The following CHST8 variants were observed in gnomAD, a reference collection of about 807,000 sequenced individuals.
The protein encoded by CHST8 is GALNAC-4-ST1.
A neutral mutation model predicts 15.0 loss-of-function variants in CHST8; 10 were observed. That is an observed-to-expected ratio of 0.67 (90% confidence interval 0.41 to 1.13). The LOEUF is 1.13. Among genes scored for constraint, CHST8 ranks in the 50% most tolerant of loss-of-function variants. CHST8 has a pLI of 0.00. For missense variants in CHST8, 634 were observed against 608.2 expected, an observed-to-expected ratio of 1.04 and a Z score of -0.45; for synonymous variants, 259 against 256.6, an observed-to-expected ratio of 1.01 and a Z score of -0.09.
chr19:33,730,228 T>C (rs980776363), intron 3 of CHST8, among the ~76,000 whole-genome samples: 6 of 152,126 alleles, frequency 3.9e-5, no homozygotes, highest in African/African-American at 1.4e-4. Flanking sequence ...GTGGGGACAG[T>C]TTCAAAATGA....
At chr19:33,676,803 G>A (rs977600635) in intron 2 of CHST8, among the ~76,000 whole-genome samples, 3 of 151,932 alleles carry the variant, frequency 2.0e-5, no homozygotes, top group African/African-American at 4.8e-5. Flanking sequence ...CTTGAGCCCA[G>A]GAGTTTGAGG....
At chr19:33,675,261 T>C (rs1410681958) in intron 2 of CHST8, among the ~76,000 whole-genome samples, 1 of 152,170 alleles carries the variant, frequency 6.6e-6, no homozygotes, top group Non-Finnish European at 1.5e-5. Flanking sequence ...GGTCAAGAAG[T>C]TCTATTGGCT....
At chr19:33,641,147 G>A (rs548653445) in intron 1 of CHST8, among the ~76,000 whole-genome samples, 147 of 152,212 alleles carry the variant, frequency 9.7e-4, no homozygotes, top group African/African-American at 3.0e-3. Context: ...TCAGCTCCTC[G>A]CAGGTGGCTG....
intron 3 of CHST8, among the ~76,000 whole-genome samples, chr19:33,732,428 G>A (rs1974012859): frequency 6.6e-6 from 1 of 151,760 alleles, no homozygotes; most frequent in South Asian, 2.1e-4. Flanking sequence ...CGCAAGTGGG[G>A]TCCCCAGGCC....
chr19:33,703,244 A>G (rs544912640), intron 3 of CHST8, among the ~76,000 whole-genome samples: 1 of 152,316 alleles, frequency 6.6e-6, no homozygotes, highest in African/African-American at 2.4e-5. Context: ...GCCTGGAGAC[A>G]TCCAGTGGGT....
At chr19:33,739,384 C>T (rs1974144502) in intron 3 of CHST8, among the ~76,000 whole-genome samples, 1 of 152,198 alleles carries the variant, frequency 6.6e-6, no homozygotes, top group Admixed American at 6.5e-5. Context: ...CTGCCTTCCT[C>T]CCCCTTCATC....
At chr19:33,760,662 A>G (rs1974704400) in intron 3 of CHST8, among the ~76,000 whole-genome samples, 1 of 151,906 alleles carries the variant, frequency 6.6e-6, no homozygotes, top group South Asian at 2.1e-4. Context: ...CCATCTCTTC[A>G]TCCCAGGAGC....
At chr19:33,632,838 G>A (rs905493212) in intron 1 of CHST8, among the ~76,000 whole-genome samples, 9 of 151,682 alleles carry the variant, frequency 5.9e-5, no homozygotes, top group East Asian at 1.9e-4. Flanking sequence ...GTGCAATCTC[G>A]GCTCACTGCA....
chr19:33,624,420 A>T (rs12610498), intron 1 of CHST8, among the ~76,000 whole-genome samples: 65,263 of 152,032 alleles, frequency 0.43, 14,808 homozygotes, highest in Middle Eastern at 0.61. Context: ...AGATGCCTTT[A>T]TAATCTTGTA....
chr19:33,698,091 A>G (rs1437359759), intron 3 of CHST8, among the ~76,000 whole-genome samples: 1 of 152,240 alleles, frequency 6.6e-6, no homozygotes, highest in Admixed American at 6.5e-5. Flanking sequence ...AGCCTGGGCA[A>G]CATGGCAAAA....
intron 2 of CHST8, among the ~76,000 whole-genome samples, chr19:33,672,535 T>G (rs1381072846): frequency 2.0e-5 from 3 of 152,150 alleles, no homozygotes; most frequent in Admixed American, 6.6e-5. Flanking sequence ...GTGTACCATC[T>G]CATGTCAGCG....
rs869057036 is a variant in CHST8 at position 33,650,518 on chromosome 19, C to CTTTTTTTTTTTTTTTTTTTTTT, written c.-163-17241_-163-17220dup. Among the ~76,000 whole-genome samples the CTTTTTTTTTTTTTTTTTTTTTT allele has an allele frequency of 5.3e-3, 193 of 36,124 alleles. 22 individuals are homozygous for CTTTTTTTTTTTTTTTTTTTTTT. The highest frequency in any genetic ancestry group is 7.5e-3 in the Non-Finnish European group (157 of 20,912). 23.7% of individuals were successfully genotyped at this position (36,124 alleles called of 152,430 possible). The stretch of plus-strand genomic sequence containing the variant: ...TTCTTTTTCTTTTTCTTTTTCTTTT[C>CTTTTTTTTTTTTTTTTTTTTTT]TTTTTTTTTTTTTTTTTTTTTTTTT... On this transcript the variant is annotated intron_variant, in intron 1 of 4. Coordinates refer to ENST00000650847, the MANE Select transcript of CHST8 (RefSeq NM_001127895.2).
chr19:33,708,756 CA>C (rs1312693524), intron 3 of CHST8, among the ~76,000 whole-genome samples: 2 of 152,048 alleles, frequency 1.3e-5, no homozygotes, highest in African/African-American at 2.4e-5. Context: ...CAATTTCTGC[CA>C]AAAAGAACAA....
At chr19:33,661,931 G>A (rs1972591852) in intron 1 of CHST8, among the ~76,000 whole-genome samples, 1 of 151,756 alleles carries the variant, frequency 6.6e-6, no homozygotes, top group Admixed American at 6.6e-5. Context: ...AGTTACTCAG[G>A]AGACTGAGGC....
chr19:33,629,384 G>T (rs1026658136), intron 1 of CHST8, among the ~76,000 whole-genome samples: 3 of 152,214 alleles, frequency 2.0e-5, no homozygotes, highest in African/African-American at 7.2e-5. Context: ...CTTGCTCTCA[G>T]CCCTCTCTCC....
chr19:33,767,224 G>C (rs1175074836), intron 3 of CHST8, among the ~76,000 whole-genome samples: 1 of 152,236 alleles, frequency 6.6e-6, no homozygotes, highest in Non-Finnish European at 1.5e-5. Context: ...AGTGCTGCCT[G>C]TCTACAGGGC....
intron 1 of CHST8, among the ~76,000 whole-genome samples, chr19:33,643,027 T>C (rs1972303818): frequency 6.6e-6 from 1 of 152,230 alleles, no homozygotes; most frequent in Admixed American, 6.5e-5. Flanking sequence ...TTTTCGTTTT[T>C]GTTTTTCAAT....
At chr19:33,750,177 G>T (rs1974386947) in intron 3 of CHST8, among the ~76,000 whole-genome samples, 1 of 152,220 alleles carries the variant, frequency 6.6e-6, no homozygotes, top group Non-Finnish European at 1.5e-5. Context: ...ACAGCATGAG[G>T]TCACAGGGGT....
chr19:33,721,153 G>A (rs1973782003), intron 3 of CHST8, among the ~76,000 whole-genome samples: 1 of 152,224 alleles, frequency 6.6e-6, no homozygotes, highest in Non-Finnish European at 1.5e-5. Flanking sequence ...GTGCTCTCGG[G>A]GACCCTCTCT....
Sources: allele counts gnomAD v4.1 joint callset (sites outside exome capture counted in the v4.1 genomes callset), GRCh38; gene constraint gnomAD v4.1.1; transcripts MANE v1.5; gene names NCBI Gene and HGNC (gene_info 2026-07-23, HGNC 2026-07-21).